The following ROS1 variants were observed in gnomAD, a reference collection of about 807,000 sequenced individuals.
ROS1 encodes the protein ROS proto-oncogene 1, receptor tyrosine kinase, also known as proto-oncogene tyrosine-protein kinase ROS.
Under a neutral mutation model 273.5 loss-of-function variants are expected in ROS1, and 263 were observed. The ratio of observed to expected loss-of-function variants is 0.96; its 90% CI spans 0.87 to 1.06. ROS1 has a LOEUF of 1.06. Among genes scored for constraint, ROS1 ranks in the 50% least tolerant of loss-of-function variants. The pLI, the probability that ROS1 is intolerant of heterozygous loss-of-function variation, is 0.00. For synonymous variants in ROS1, 1,008 were observed against 954.1 expected, an observed-to-expected ratio of 1.06 and a Z score of -1.04; for missense variants, 2,833 against 2,751.1, an observed-to-expected ratio of 1.03 and a Z score of -0.67.
chr6:117,374,029 T>G (rs1781105929), intron 18 of ROS1, among the ~76,000 whole-genome samples: 1 of 152,216 alleles, frequency 6.6e-6, no homozygotes, highest in African/African-American at 2.4e-5. Context: ...TGCTCATGGA[T>G]GGGTAGAATC....
chr6:117,405,255 A>G (rs569921238), intron 5 of ROS1, among the ~76,000 whole-genome samples: 64 of 152,292 alleles, frequency 4.2e-4, no homozygotes, highest in African/African-American at 1.5e-3. Context: ...AATTCTCATC[A>G]TTACCAACAC....
chr6:117,365,721 T>C lies in ROS1; in HGVS notation c.2818A>G (p.Lys940Glu), dbSNP rs999670889. The C allele has an allele frequency of 6.3e-7, 1 of 1,584,050 alleles. No individual in the cohort carries two copies. The stretch of plus-strand genomic sequence containing the variant: ...TCTTGAACAGAATCTGGAATAACCT[T>C]AGGGGTAAAGGAAAAGTTCCCTACA... ...PLPGNFSFTPKVIPDSVQESS... is the reference protein window; with the variant it reads ...PLPGNFSFTPEVIPDSVQESS... The change falls in exon 20 of 44, where the codon AAG becomes GAG. Residue 940 changes from lysine (K) to glutamate (E), a missense_variant. Transcript: ENST00000368507.
intron 43 of ROS1, among the ~76,000 whole-genome samples, chr6:117,297,099 C>T (rs1313448477): frequency 6.6e-6 from 1 of 152,004 alleles, no homozygotes; most frequent in Non-Finnish European, 1.5e-5. Context: ...TTTGCAAAGT[C>T]AACAAGAACA....
At chr6:117,352,916 G>T in intron 27 of ROS1, 74 bp downstream of exon 27, 1 of 1,372,638 alleles carries the variant, frequency 7.3e-7, no homozygotes, top group Non-Finnish European at 1.0e-6. Context: ...GACAGCCTTG[G>T]AGAAGGAGAT....
At chr6:117,397,834 T>C (rs913032406) in intron 7 of ROS1, among the ~76,000 whole-genome samples, 1 of 152,158 alleles carries the variant, frequency 6.6e-6, no homozygotes, top group Non-Finnish European at 1.5e-5. Context: ...TCCATCTGTG[T>C]CTCCACCTGC....
intron 24 of ROS1, 102 bp downstream of exon 24, chr6:117,359,707 A>T: frequency 1.1e-6 from 1 of 909,154 alleles, no homozygotes; most frequent in Non-Finnish European, 1.7e-6. Flanking sequence ...TTTCATTCTA[A>T]TCTTAATGAC....
chr6:117,355,321 ATTGTTTCTAAAAGGCC>A (rs950093893), intron 26 of ROS1, among the ~76,000 whole-genome samples: 4 of 152,314 alleles, frequency 2.6e-5, no homozygotes, highest in East Asian at 1.9e-4. Flanking sequence ...AATGATAGGA[ATTGTTTCTAAAAGGCC>A]TTGTTTCTAA....
intron 21 of ROS1, among the ~76,000 whole-genome samples, chr6:117,364,320 AATTACTATC>A (rs1473056101): frequency 2.6e-5 from 4 of 152,196 alleles, no homozygotes; most frequent in Non-Finnish European, 5.9e-5. Context: ...GCTTTACATA[AATTACTATC>A]ATTTACCAAC....
intron 42 of ROS1, among the ~76,000 whole-genome samples, chr6:117,307,563 C>T (rs1775199866): frequency 6.6e-6 from 1 of 151,910 alleles, no homozygotes; most frequent in South Asian, 2.1e-4. Flanking sequence ...TATAATTTTT[C>T]CCCATTTCCC....
intron 4 of ROS1, among the ~76,000 whole-genome samples, chr6:117,412,886 A>G (rs535694327): frequency 1.5e-3 from 225 of 152,264 alleles, no homozygotes; most frequent in African/African-American, 4.8e-3. Context: ...ACACTGGTAC[A>G]TTTATCCTAG....
intron 16 of ROS1, among the ~76,000 whole-genome samples, chr6:117,384,420 C>T (rs973057768): frequency 1.3e-5 from 2 of 152,178 alleles, no homozygotes; most frequent in Admixed American, 6.5e-5. Context: ...AATTATATCA[C>T]AACAAAGTTG....
chr6:117,293,910 A>T (rs1774019113), intron 43 of ROS1, among the ~76,000 whole-genome samples: 1 of 152,182 alleles, frequency 6.6e-6, no homozygotes, highest in Admixed American at 6.5e-5. Context: ...TCAACAAAAT[A>T]CTGGCAAGCC....
In ROS1 at chr6:117,409,582, C is replaced by A. The variant is rs771857560; in HGVS notation, c.316G>T (p.Glu106Ter). ...TTAAAAGTCGTGTGTGTCCTCTTAC[C>A]CAGTACTTCCTCTTCATATGCACCT... ...AEGAYEEEVL[E>*]NADLPTAPFA... Residue 106 changes from glutamate to a stop codon, truncating the protein, a stop_gained and splice_region_variant, in exon 5 of 44, where the codon GAA (glutamate) becomes TAA (stop). Transcript: ENST00000368507. LOFTEE classifies it high-confidence loss of function. 2 of 1,612,440 alleles carry A rather than the reference C, an allele frequency of 1.2e-6. No individual in the cohort carries two copies. Among genetic ancestry groups the A allele is most frequent in the Admixed American group, 1.7e-5 (1 of 59,958 alleles).
chr6:117,382,423 T>C (rs368842804), intron 17 of ROS1, among the ~76,000 whole-genome samples: 3 of 152,126 alleles, frequency 2.0e-5, no homozygotes, highest in African/African-American at 7.2e-5. Context: ...TTCTGTATTA[T>C]GTATATTTTA....
rs1410132066 is a variant in ROS1 at position 117,329,356 on chromosome 6, C to A, written c.5321G>T (p.Arg1774Ile). 1 of 1,553,874 alleles carries A rather than the reference C, an allele frequency of 6.4e-7. No homozygotes were observed. The highest frequency in any genetic ancestry group is 8.9e-7 in the Non-Finnish European group (1 of 1,126,194). The change falls in exon 33 of 44, where the codon AGA becomes ATA. Residue 1774 changes from arginine (R) to isoleucine (I), a missense_variant. Physicochemically the swap from Arg to Ile is moderately conservative, Grantham distance 97. Coordinates refer to ENST00000368507, the MANE Select transcript of ROS1 (RefSeq NM_001378902.1). Reference protein sequence around the residue: ...QWEKAEDNGCRITYYILEIRK... With the variant: ...QWEKAEDNGCIITYYILEIRK... ...TATCTCAAGGATATAGTATGTAATT[C>A]TACATCCATTATCTTCAGCTTTCTC...
At chr6:117,368,730 A>G (rs1378571689) in intron 18 of ROS1, among the ~76,000 whole-genome samples, 3 of 152,194 alleles carry the variant, frequency 2.0e-5, no homozygotes, top group Non-Finnish European at 2.9e-5. Context: ...TAGAACAAGT[A>G]TGTAAATCAA....
chr6:117,318,581 CTTTCGATTTA>C (rs1373708638), intron 37 of ROS1, among the ~76,000 whole-genome samples: 1 of 152,052 alleles, frequency 6.6e-6, no homozygotes, highest in Non-Finnish European at 1.5e-5. Flanking sequence ...CATCTCCTTG[CTTTCGATTTA>C]TTTCTTGGAG....
chr6:117,370,486 T>G (rs1165737047), intron 18 of ROS1, among the ~76,000 whole-genome samples: 4 of 152,280 alleles, frequency 2.6e-5, no homozygotes, highest in African/African-American at 9.6e-5. Flanking sequence ...CCCTCTAAAT[T>G]TTGGGTTCTA....
In ROS1 at chr6:117,418,468, A is replaced by G. The variant is rs756807424; in HGVS notation, c.162T>C (p.Ser54=). The G allele has an allele frequency of 6.3e-7, 1 of 1,596,214 alleles. No homozygotes were observed. Among genetic ancestry groups the G allele is most frequent in the Non-Finnish European group, 8.5e-7 (1 of 1,173,100 alleles). Residue 54 remains serine, a synonymous_variant, in exon 2 of 44, where the codon AGT becomes AGC. Coordinates refer to ENST00000368507, the MANE Select transcript of ROS1 (RefSeq NM_001378902.1). ...QLDLGTPHNL[S]EPCIQGCHFW... ...AACTGAAGAAATTACTTACCGGTTC[A>G]CTCAGATTATGTGGTGTGCCAAGGT...
Sources: allele counts gnomAD v4.1 joint callset (sites outside exome capture counted in the v4.1 genomes callset), GRCh38; gene constraint gnomAD v4.1.1; transcripts MANE v1.5; gene names NCBI Gene and HGNC (gene_info 2026-07-23, HGNC 2026-07-21).